The following RELCH variants were observed in gnomAD, a reference collection of about 807,000 sequenced individuals.
The protein encoded by RELCH is RAB11-binding protein RELCH.
RELCH carries 41 observed loss-of-function variants against 150.3 expected under a neutral mutation model. That is an observed-to-expected ratio of 0.27 (90% CI 0.21 to 0.35). The LOEUF (loss-of-function observed/expected upper bound fraction) is 0.35. Among genes scored for constraint, RELCH ranks in the 10% least tolerant of loss-of-function variants. RELCH has a pLI of 1.00. For synonymous variants in RELCH, 478 were observed against 531.8 expected (o/e 0.90, Z 1.39); for missense variants, 1,092 against 1,467.8 (o/e 0.74, Z 4.18).
Position 62,251,119 on chromosome 18 carries a change from A to T in RELCH, c.1734-1545A>T, listed in dbSNP as rs141652355. Among the ~76,000 whole-genome samples, 236 of 152,306 alleles carry T rather than the reference A, an allele frequency of 1.5e-3. 1 individual carries two copies. Among genetic ancestry groups the T allele is most frequent in the African/African-American group, 5.3e-3 (220 of 41,568 alleles). On this transcript the variant is annotated intron_variant, in intron 11 of 28. Transcript: ENST00000644646. ...TCAATTCAAATGAAGATAATGTATTAGTTATTGGTTAACTATTGTTTTGTA... is the reference window on the plus strand; with the variant it reads ...TCAATTCAAATGAAGATAATGTATTTGTTATTGGTTAACTATTGTTTTGTA...
rs528270513 is a variant in RELCH, at chr18:62,272,754, C to T, written c.2761-1226C>T. Among the ~76,000 whole-genome samples, 352 of 151,956 alleles carry T rather than the reference C, an allele frequency of 2.3e-3. 3 individuals carry two copies. Among genetic ancestry groups the T allele is most frequent in the Non-Finnish European group, 4.3e-3 (294 of 67,888 alleles). On this transcript the variant is annotated intron_variant, in intron 20 of 28. Coordinates refer to ENST00000644646, the MANE Select transcript of RELCH (RefSeq NM_001346231.2). ...AAGATTATAGTAAATTTTTAAAAAT[C>T]GAAAGAATTCATACTTATTTAGAAG...
intron 9 of RELCH, among the ~76,000 whole-genome samples, 157 bp from the exon 10 acceptor site, chr18:62,232,175 C>CTGTTGT (rs770631173): frequency 0.044 from 6,587 of 150,778 alleles, 171 homozygotes; most frequent in South Asian, 0.065. Context: ...GCTGCTGCTG[C>CTGTTGT]TGCTGTTGTT....
chr18:62,249,303 A>G lies in RELCH; in HGVS notation c.1734-3361A>G, dbSNP rs576926385. Reference sequence around the variant, plus strand: ...ACACTTCTATAGACTTTGAAATTCTATTACTGAAACTTCTTTTCTGCAATT... The same window carrying G: ...ACACTTCTATAGACTTTGAAATTCTGTTACTGAAACTTCTTTTCTGCAATT... On this transcript the variant is annotated intron_variant, in intron 11 of 28. Coordinates refer to ENST00000644646, the MANE Select transcript of RELCH (RefSeq NM_001346231.2). Among the ~76,000 whole-genome samples, 3 of 152,326 alleles carry G rather than the reference A, an allele frequency of 2.0e-5. No homozygotes were observed. In the East Asian group the frequency reaches 5.8e-4, roughly 29 times the overall value.
At chr18:62,283,501 A>G (rs2044633395) in intron 25 of RELCH, among the ~76,000 whole-genome samples, 1 of 152,226 alleles carries the variant, frequency 6.6e-6, no homozygotes, top group African/African-American at 2.4e-5. Flanking sequence ...GCAGACTGTT[A>G]CATATCCAGG....
chr18:62,252,650 A>G lies in RELCH; in HGVS notation c.1734-14A>G, dbSNP rs770895920. ...CTCATGCAAATACAAGCCGTTTTTT[A>G]TATTATTTTTCAGGCAAATGATACT... On this transcript the variant is annotated splice_polypyrimidine_tract_variant and intron_variant, in intron 11 of 28. Transcript: ENST00000644646. The G allele has an allele frequency of 1.9e-5, 31 of 1,609,632 alleles. No individual in the cohort carries two copies. The highest frequency in any genetic ancestry group is 3.3e-5 in the South Asian group (3 of 90,978).
At position 62,276,558 on chromosome 18, in the gene RELCH, C is replaced by T. The variant is rs142907156; in HGVS notation, c.2967+1085C>T. On this transcript the variant is annotated intron_variant, in intron 22 of 28. Coordinates refer to ENST00000644646, the MANE Select transcript of RELCH (RefSeq NM_001346231.2). ...AATATTCATGTGTTTCTTAAAATACCTAAACATTTATTTCTATAAAAAGAA... is the reference window on the plus strand; with the variant it reads ...AATATTCATGTGTTTCTTAAAATACTTAAACATTTATTTCTATAAAAAGAA... Among the ~76,000 whole-genome samples, 241 of 152,046 alleles carry T rather than the reference C, an allele frequency of 1.6e-3. 1 individual carries two copies. The highest frequency in any genetic ancestry group is 5.4e-3 in the African/African-American group (225 of 41,500).
Position 62,307,950 on chromosome 18 carries a change from T to G in RELCH, c.*2416T>G, listed in dbSNP as rs1035463440. On this transcript the variant is annotated 3_prime_UTR_variant, in exon 29 of 29. Transcript: ENST00000644646. ...CATTGGTTTGCATTATTCACCCCTT[T>G]AGAGAGATTATTTTGCTAAACATCA... 4.6e-5 allele frequency: 7 copies of G among 152,316 alleles called. No homozygotes were observed. The East Asian group carries it at 1.2e-3, about 25-fold the overall frequency. The allele number at this position is 152,316 out of a possible 1,614,324, so 9.4% of individuals were successfully genotyped here.
chr18:62,222,683 A>AG (rs1474936094), intron 5 of RELCH, among the ~76,000 whole-genome samples: 1 of 152,002 alleles, frequency 6.6e-6, no homozygotes, highest in Non-Finnish European at 1.5e-5. Flanking sequence ...AAAATCTTTT[A>AG]GGATATAGAA....
chr18:62,189,186 T>G lies in RELCH; in HGVS notation c.526+1155T>G, dbSNP rs150304902. Among the ~76,000 whole-genome samples, 537 of 152,154 alleles carry G rather than the reference T, an allele frequency of 3.5e-3. 1 individual carries two copies. The highest frequency in any genetic ancestry group is 0.012 in the African/African-American group (519 of 41,554). On this transcript the variant is annotated intron_variant, in intron 1 of 28. Transcript: ENST00000644646. ...CTTTTTCGGGAAAAGATTTTCTCATTGCTGACCTTTAAGACTATAAAATGA... is the reference window on the plus strand; with the variant it reads ...CTTTTTCGGGAAAAGATTTTCTCATGGCTGACCTTTAAGACTATAAAATGA...
At chr18:62,238,501 T>G (rs1904693267) in intron 10 of RELCH, among the ~76,000 whole-genome samples, 1 of 152,082 alleles carries the variant, frequency 6.6e-6, no homozygotes, top group Non-Finnish European at 1.5e-5. Flanking sequence ...GAGGAAATTC[T>G]ATAATTAAAA....
chr18:62,238,462 T>C (rs969263163), intron 10 of RELCH, among the ~76,000 whole-genome samples: 62 of 152,154 alleles, frequency 4.1e-4, no homozygotes, highest in African/African-American at 1.5e-3. Context: ...AGTTGGTTTT[T>C]CACAATTTCT....
At chr18:62,206,298 G>GTA (rs1427687356) in intron 1 of RELCH, among the ~76,000 whole-genome samples, 65 of 152,174 alleles carry the variant, frequency 4.3e-4, no homozygotes, top group Non-Finnish European at 1.5e-5. Flanking sequence ...TACTTAGCAG[G>GTA]TATAATTAAA....
At chr18:62,229,742 A>G (rs2041453129) in intron 8 of RELCH, among the ~76,000 whole-genome samples, 2 of 152,102 alleles carry the variant, frequency 1.3e-5, no homozygotes, top group South Asian at 2.1e-4. Context: ...CTTGAAGACT[A>G]TGTAAGAGTT....
intron 22 of RELCH, 33 bp downstream of exon 22, chr18:62,275,506 T>A: frequency 7.1e-7 from 1 of 1,407,386 alleles, no homozygotes; most frequent in Non-Finnish European, 1.0e-6. Context: ...TGGTTTCAAT[T>A]ATAATGATTT....
At chr18:62,304,182 A>T (rs1300677508) in intron 28 of RELCH, among the ~76,000 whole-genome samples, 1 of 152,212 alleles carries the variant, frequency 6.6e-6, no homozygotes, top group Non-Finnish European at 1.5e-5. Context: ...TGTGGGACTG[A>T]CCCTCAGGAA....
intron 10 of RELCH, among the ~76,000 whole-genome samples, chr18:62,239,080 T>C (rs1420781739): frequency 6.6e-6 from 1 of 152,098 alleles, no homozygotes; most frequent in African/African-American, 2.4e-5. Flanking sequence ...AGTGGATAAG[T>C]GTAATAAAGT....
intron 20 of RELCH, among the ~76,000 whole-genome samples, chr18:62,271,430 A>C (rs1406612206): frequency 1.4e-5 from 2 of 146,458 alleles, no homozygotes; most frequent in African/African-American, 5.5e-5. Context: ...ACACTTTTTG[A>C]TGGGGTTGTT....
At chr18:62,273,209 A>C (rs548181981) in intron 20 of RELCH, among the ~76,000 whole-genome samples, 2 of 152,048 alleles carry the variant, frequency 1.3e-5, no homozygotes, top group Non-Finnish European at 2.9e-5. Context: ...TTAATTTAAC[A>C]TAAAACATTA....
At position 62,258,493 on chromosome 18, in the gene RELCH, G is replaced by A. The variant is rs965674827; in HGVS notation, c.2038-19G>A. On this transcript the variant is annotated intron_variant, in intron 14 of 28. Coordinates refer to ENST00000644646, the MANE Select transcript of RELCH (RefSeq NM_001346231.2). ...TTTATCCCTTTAAAAATCTACATTT[G>A]CCTTTTTCTCATTGACAGGGTTTTG... 2.5e-6 allele frequency: 4 copies of A among 1,589,068 alleles called. No homozygotes were observed. In the South Asian group the frequency reaches 4.6e-5, roughly 18 times the overall value.
Sources: gnomAD v4.1 joint callset for allele counts (sites outside exome capture counted in the v4.1 genomes callset) on GRCh38, gnomAD v4.1.1 for gene constraint, MANE v1.5 for transcripts, NCBI Gene and HGNC (gene_info 2026-07-23, HGNC 2026-07-21) for gene names.